CASP2: variants seen among roughly 807,000 people sequenced by gnomAD.
The protein encoded by CASP2 is caspase-2.
CASP2 carries 38 observed loss-of-function variants against 54.4 expected under a neutral mutation model. That is an observed-to-expected ratio of 0.70 (90% confidence interval 0.54 to 0.92). CASP2 has a LOEUF of 0.92. Ranked by LOEUF, CASP2 falls within the 40% of genes least tolerant of loss-of-function variation. CASP2 has a pLI of 0.00. For missense variants in CASP2, 512 were observed against 579.6 expected, an observed-to-expected ratio of 0.88 and a Z score of 1.20; for synonymous variants, 215 against 216.3, an observed-to-expected ratio of 0.99 and a Z score of 0.05.
rs142640116 is a variant in CASP2, at chr7:143,289,097, G to A, written c.74+568G>A. Among the ~76,000 whole-genome samples, 205 of 152,212 alleles carry A rather than the reference G, an allele frequency of 1.3e-3. 1 individual carries two copies. Among genetic ancestry groups the A allele is most frequent in the African/African-American group, 3.7e-3 (152 of 41,548 alleles). On this transcript the variant is annotated intron_variant, in intron 1 of 10. Transcript: ENST00000310447. ...CTCCGAGTGTCCATGCCTCTGCCCC[G>A]GTCATTCCATTTCATGGCAGTCATC... is the stretch of plus-strand genomic sequence containing the variant.
rs35440867 is a variant in CASP2, at chr7:143,290,055, C to CTTT, written c.75-1464_75-1462dup. 7.4e-3 allele frequency among the ~76,000 whole-genome samples: 843 copies of CTTT among 114,484 alleles called. 21 individuals carry two copies. The highest frequency in any genetic ancestry group is 0.027 in the African/African-American group (721 of 26,730). 75.1% of individuals were successfully genotyped at this position (114,484 alleles called of 152,430 possible). A position where few individuals can be genotyped will look rare whatever the true frequency, so the allele number is the denominator to read the frequency against. ...TCTAAGATACACATTTTTTCCCTCC[C>CTTT]TTTTTTTTTTTTTTTTTTTTTTTGG... On this transcript the variant is annotated intron_variant, in intron 1 of 10. Coordinates refer to ENST00000310447, the MANE Select transcript of CASP2 (RefSeq NM_032982.4).
rs766307129 is a variant in CASP2, at chr7:143,300,237, A to G, written c.910A>G (p.Asn304Asp). 2 of 1,614,160 alleles carry G rather than the reference A, an allele frequency of 1.2e-6. No individual in the cohort carries two copies. Among genetic ancestry groups the G allele is most frequent in the Admixed American group, 3.3e-5 (2 of 60,028 alleles). The change falls in exon 8 of 11, where the codon AAC becomes GAC. Residue 304 changes from asparagine (N) to aspartate (D), a missense_variant. Around this residue, in one of 3 missense-constraint regions of CASP2, gnomAD observed 417 missense variants for 495.4 expected, o/e 0.84. Transcript: ENST00000310447. ...QEVFQLFDNA[N>D]CPSLQNKPKM... ...GGTTTTTCAGCTCTTTGACAACGCC[A>G]ACTGCCCAAGCCTACAGAACAAACC...
chr7:143,294,903 C>G, intron 6 of CASP2, 130 bp downstream of exon 6: 1 of 814,960 alleles, frequency 1.2e-6, no homozygotes, highest in Non-Finnish European at 2.0e-6. Flanking sequence ...TACATTTTTA[C>G]TCACTCTGTT....
chr7:143,289,996 C>T (rs1801505570), intron 1 of CASP2, among the ~76,000 whole-genome samples: 1 of 151,678 alleles, frequency 6.6e-6, no homozygotes, highest in Admixed American at 6.6e-5. Flanking sequence ...AAGCCAAGTG[C>T]ATCCATTCCA....
intron 1 of CASP2, among the ~76,000 whole-genome samples, chr7:143,289,397 CT>C (rs1238791373): frequency 6.6e-6 from 1 of 152,134 alleles, no homozygotes; most frequent in Non-Finnish European, 1.5e-5. Flanking sequence ...AAATTCAAGT[CT>C]GGAACTCGAG....
chr7:143,305,597 C>G lies in CASP2; in HGVS notation c.*526C>G, dbSNP rs893087140. On this transcript the variant is annotated 3_prime_UTR_variant, in exon 11 of 11. Transcript: ENST00000310447. ...GAAGAAGCAAACATGACTAGAGACG[C>G]ACCTTGCTGCAGTGTCCAGAAGCGG... The G allele has an allele frequency of 1.2e-4, 32 of 263,528 alleles. No individual in the cohort carries two copies. Among genetic ancestry groups the G allele is most frequent in the African/African-American group, 5.1e-4 (23 of 45,058 alleles). The allele number at this position is 263,528 out of a possible 1,614,324, so 16.3% of individuals were successfully genotyped here.
At chr7:143,304,047 G>GTT (rs904217432) in intron 9 of CASP2, 114 bp downstream of exon 9, 6 of 1,106,654 alleles carry the variant, frequency 5.4e-6, no homozygotes, top group African/African-American at 1.6e-5. Context: ...AACCAGAAGT[G>GTT]TTTCAGATTT....
chr7:143,289,615 A>C (rs893154384), intron 1 of CASP2: 11 of 984,118 alleles, frequency 1.1e-5, no homozygotes, highest in Non-Finnish European at 1.3e-5. Flanking sequence ...TAAGGAGCGA[A>C]TACTACTGGT....
intron 9 of CASP2, among the ~76,000 whole-genome samples, chr7:143,304,220 T>A (rs1368592703): frequency 6.6e-6 from 1 of 152,226 alleles, no homozygotes; most frequent in East Asian, 1.9e-4. Context: ...TTCAGATTTT[T>A]TGGATTTGGG....
chr7:143,303,638 TTA>T, intron 8 of CASP2, 144 bp from the exon 9 acceptor site: 9 of 630,986 alleles, frequency 1.4e-5, no homozygotes, highest in Admixed American at 2.9e-5. Context: ...TTTTTTTTTT[TTA>T]GTTTATCAGC....
intron 2 of CASP2, 110 bp downstream of exon 2, chr7:143,291,800 T>G (rs1267276149): frequency 1.4e-5 from 13 of 913,496 alleles, no homozygotes; most frequent in African/African-American, 1.8e-5. Flanking sequence ...TTTTTTTTTT[T>G]GAGACAGAGT....
In CASP2 at chr7:143,288,489, T is replaced by G. The variant is rs1343583255; in HGVS notation, c.34T>G (p.Phe12Val). ...AAPSAGSWSTFQHKELMAADR... is the reference protein window; with the variant it reads ...AAPSAGSWSTVQHKELMAADR... ...GCCGAGCGCGGGGTCTTGGTCCACC[T>G]TCCAGCACAAGGAGCTGATGGCCGC... The change falls in exon 1 of 11, where the codon TTC (phenylalanine) becomes GTC (valine). Residue 12 changes from phenylalanine (F) to valine (V), a missense_variant. Transcript: ENST00000310447. 8 of 1,613,262 alleles carry G rather than the reference T, an allele frequency of 5.0e-6. No individual in the cohort carries two copies. Among genetic ancestry groups the G allele is most frequent in the Non-Finnish European group, 6.8e-6 (8 of 1,179,674 alleles).
At chr7:143,300,593 C>T in intron 8 of CASP2, 2 of 1,429,788 alleles carry the variant, frequency 1.4e-6, no homozygotes, top group Non-Finnish European at 1.9e-6. Context: ...CTTTTCTGTG[C>T]TTCATTAACT....
At chr7:143,295,721 A>G (rs930792184) in intron 6 of CASP2, among the ~76,000 whole-genome samples, 1 of 152,172 alleles carries the variant, frequency 6.6e-6, no homozygotes, top group South Asian at 2.1e-4. Context: ...TGTATTTACT[A>G]TATTTTTGGC....
intron 5 of CASP2, 66 bp from the exon 6 acceptor site, chr7:143,294,531 T>C: frequency 6.9e-7 from 1 of 1,448,586 alleles, no homozygotes; most frequent in East Asian, 2.3e-5. Flanking sequence ...TCTTGAAATG[T>C]CTAATCTAGC....
chr7:143,288,442 G>A lies in CASP2; in HGVS notation c.-14G>A, dbSNP rs367660182. The A allele has an allele frequency of 1.4e-5, 23 of 1,612,122 alleles. No homozygotes were observed. Among genetic ancestry groups the A allele is most frequent in the Non-Finnish European group, 1.8e-5 (21 of 1,179,482 alleles). The stretch of plus-strand genomic sequence containing the variant: ...GTGGGCGGTGCGCAGCGGAGAGCCC[G>A]GGAAAAGCGGGAAATGGCGGCGCCG... On this transcript the variant is annotated 5_prime_UTR_variant, in exon 1 of 11. Coordinates refer to ENST00000310447, the MANE Select transcript of CASP2 (RefSeq NM_032982.4).
intron 2 of CASP2, 65 bp from the exon 3 acceptor site, chr7:143,292,235 T>C (rs1801596848): frequency 1.3e-6 from 2 of 1,526,010 alleles, no homozygotes; most frequent in Non-Finnish European, 1.8e-6. Context: ...AGGAAGCTCA[T>C]GTGGAGAAAT....
intron 7 of CASP2, 72 bp downstream of exon 7, chr7:143,300,123 G>A (rs1801870348): frequency 1.2e-6 from 2 of 1,612,692 alleles, no homozygotes; most frequent in Admixed American, 1.7e-5. Flanking sequence ...TCTGTCAAGT[G>A]ATGGCTACTG....
At chr7:143,291,386 G>A (rs1259284892) in intron 1 of CASP2, among the ~76,000 whole-genome samples, 154 bp from the exon 2 acceptor site, 1 of 152,190 alleles carries the variant, frequency 6.6e-6, no homozygotes, top group African/African-American at 2.4e-5. Flanking sequence ...TTCCTGCTTA[G>A]TACATCTTTG....
Sources: allele counts gnomAD v4.1 joint callset (sites outside exome capture counted in the v4.1 genomes callset), GRCh38; gene constraint gnomAD v4.1.1; regional missense constraint gnomAD v4.1.1; transcripts MANE v1.5; gene names NCBI Gene and HGNC (gene_info 2026-07-23, HGNC 2026-07-21).